The following GRAMD2B variants were observed in gnomAD, a reference collection of about 807,000 sequenced individuals.
The protein encoded by GRAMD2B is GRAM domain containing 2B.
In GRAMD2B, 41 loss-of-function variants were observed where a neutral mutation model predicts 59.2. That is an observed-to-expected ratio of 0.69 (90% CI 0.54 to 0.90). The LOEUF (loss-of-function observed/expected upper bound fraction) is 0.90. Among genes scored for constraint, GRAMD2B ranks in the 40% least tolerant of loss-of-function variants. The pLI is 0.00. For missense variants in GRAMD2B, 424 were observed against 500.5 expected, an observed-to-expected ratio of 0.85 and a Z score of 1.46; for synonymous variants, 161 against 182.7, an observed-to-expected ratio of 0.88 and a Z score of 0.96.
rs775575299 is a variant in GRAMD2B at position 126,480,690 on chromosome 5, C to T, written c.718C>T (p.Pro240Ser). The change falls in exon 8 of 14, where the codon CCT (proline) becomes TCT (serine). Residue 240 changes from proline (P) to serine (S), a missense_variant. Physicochemically the swap from Pro to Ser is moderately conservative, Grantham distance 74. Coordinates refer to ENST00000285689, the MANE Select transcript of GRAMD2B (RefSeq NM_023927.4). ...SAENSFRADR[P>S]SSLPLDFNDE... ...TGAAAACAGTTTCCGAGCAGACCGC[C>T]CTTCATCTCTGCCTCTGGTAAGTTG... The T allele has an allele frequency of 6.2e-7, 1 of 1,614,000 alleles. No homozygotes were observed. The highest frequency in any genetic ancestry group is 2.2e-5 in the East Asian group (1 of 44,880).
At chr5:126,380,195 T>G (rs1381315064) in intron 1 of GRAMD2B, among the ~76,000 whole-genome samples, 1 of 152,200 alleles carries the variant, frequency 6.6e-6, no homozygotes, top group Non-Finnish European at 1.5e-5. Context: ...TTTGTTTGCC[T>G]TGTCAAAGAT....
rs183737645 is a variant in GRAMD2B at position 126,437,923 on chromosome 5, A to G, written c.83+14234A>G. 8.5e-5 allele frequency among the ~76,000 whole-genome samples: 13 copies of G among 152,268 alleles called. No individual in the cohort carries two copies. The East Asian group carries it at 2.5e-3, about 29-fold the overall frequency. On this transcript the variant is annotated intron_variant, in intron 1 of 13. Transcript: ENST00000285689. ...CATAGCCTGTGTAGACTTTACTGCC[A>G]TTTCACATAATCCCTCACTGTCAGT...
chr5:126,403,515 C>T (rs1156549444), intron 1 of GRAMD2B, among the ~76,000 whole-genome samples: 2 of 151,690 alleles, frequency 1.3e-5, no homozygotes, highest in Non-Finnish European at 2.9e-5. Flanking sequence ...ATTGAGCACT[C>T]GTAATAGGTA....
At chr5:126,370,402 G>A (rs1025359090), upstream of GRAMD2B, among the ~76,000 whole-genome samples, 2 of 152,150 alleles carry the variant, frequency 1.3e-5, no homozygotes, top group African/African-American at 4.8e-5. Context: ...CTTCTCTTAA[G>A]CCAGCCATTC....
intron 1 of GRAMD2B, among the ~76,000 whole-genome samples, chr5:126,383,208 T>C (rs907488535): frequency 3.3e-5 from 5 of 152,242 alleles, no homozygotes; most frequent in African/African-American, 1.2e-4. Context: ...TTAAAAGCTT[T>C]TGATTTTTGA....
chr5:126,458,237 C>A (rs1053850699), intron 1 of GRAMD2B, among the ~76,000 whole-genome samples: 13 of 152,018 alleles, frequency 8.6e-5, no homozygotes, highest in Non-Finnish European at 1.3e-4. Flanking sequence ...GAGTTCAAGA[C>A]CAGCCTGGCC....
intron 1 of GRAMD2B, among the ~76,000 whole-genome samples, chr5:126,460,850 A>G (rs1767219717): frequency 6.6e-6 from 1 of 152,218 alleles, no homozygotes; most frequent in African/African-American, 2.4e-5. Flanking sequence ...CATTTATTCT[A>G]TGAAGACCCT....
At chr5:126,409,742 T>A (rs927414512) in intron 1 of GRAMD2B, among the ~76,000 whole-genome samples, 5 of 152,206 alleles carry the variant, frequency 3.3e-5, no homozygotes, top group African/African-American at 9.6e-5. Flanking sequence ...CTTTTGGTGT[T>A]TTAGACATGA....
At chr5:126,379,530 A>G (rs1258426633) in intron 1 of GRAMD2B, among the ~76,000 whole-genome samples, 4 of 152,114 alleles carry the variant, frequency 2.6e-5, no homozygotes, top group African/African-American at 9.7e-5. Context: ...CAACAGTGTA[A>G]AAGTGTTCCC....
At chr5:126,421,521 C>T (rs1045810395), upstream of GRAMD2B, among the ~76,000 whole-genome samples, 2 of 152,266 alleles carry the variant, frequency 1.3e-5, no homozygotes, top group Admixed American at 1.3e-4. Flanking sequence ...TTTTCCCCAT[C>T]CCACCTAGCA....
upstream of GRAMD2B, chr5:126,423,185 G>A (rs924234120): frequency 1.7e-5 from 17 of 1,007,082 alleles, no homozygotes; most frequent in Non-Finnish European, 2.0e-5. Context: ...CCCTGTTACA[G>A]TCGGGATAGA....
chr5:126,371,366 A>T, exon 1 of GRAMD2B: 1 of 1,213,978 alleles, frequency 8.2e-7, no homozygotes, highest in Non-Finnish European at 1.1e-6. Context: ...TGAAACGCAG[A>T]GATTTTCATA....
At chr5:126,411,841 G>GGTGTGTGTGT (rs147604532) in intron 1 of GRAMD2B, among the ~76,000 whole-genome samples, 41,573 of 148,476 alleles carry the variant, frequency 0.28, 6,082 homozygotes, top group East Asian at 0.46. Context: ...ATATATTTCT[G>GGTGTGTGTGT]GTGTGTGTGT....
chr5:126,425,935 C>T (rs187821862), intron 1 of GRAMD2B, among the ~76,000 whole-genome samples: 1 of 152,048 alleles, frequency 6.6e-6, no homozygotes, highest in Admixed American at 6.6e-5. Context: ...GTTTTGAGTT[C>T]TATTGCACAG....
intron 1 of GRAMD2B, among the ~76,000 whole-genome samples, chr5:126,374,839 T>C (rs1755048931): frequency 5.9e-5 from 9 of 152,212 alleles, no homozygotes; most frequent in Admixed American, 5.9e-4. Context: ...TTAATTACCA[T>C]CACTTTATAA....
chr5:126,415,799 T>TTGTC (rs1759218622), intron 1 of GRAMD2B, among the ~76,000 whole-genome samples: 1 of 152,084 alleles, frequency 6.6e-6, no homozygotes, highest in South Asian at 2.1e-4. Flanking sequence ...CGAAATGCTG[T>TTGTC]AATAATAGAA....
rs376723968 is a variant in GRAMD2B at position 126,428,602 on chromosome 5, C to T, written c.83+4913C>T. On this transcript the variant is annotated intron_variant, in intron 1 of 13. Coordinates refer to ENST00000285689, the MANE Select transcript of GRAMD2B (RefSeq NM_023927.4). ...AAACTAGTATTTGAATTCTGGCTTT[C>T]CTGTCTCCTACAGGTGTGACCTGGC... is the stretch of plus-strand genomic sequence containing the variant. 1.2e-3 allele frequency among the ~76,000 whole-genome samples: 187 copies of T among 152,274 alleles called. 1 individual carries two copies. Among genetic ancestry groups the T allele is most frequent in the African/African-American group, 4.1e-3 (171 of 41,564 alleles).
intron 1 of GRAMD2B, among the ~76,000 whole-genome samples, chr5:126,401,506 AT>A (rs902832636): frequency 2.0e-5 from 3 of 151,494 alleles, no homozygotes; most frequent in Non-Finnish European, 4.4e-5. Flanking sequence ...TGTTTCCTTG[AT>A]TTTTTTTCAT....
chr5:126,384,508 G>T (rs967761164), intron 1 of GRAMD2B, among the ~76,000 whole-genome samples: 3 of 152,224 alleles, frequency 2.0e-5, no homozygotes, highest in Admixed American at 6.5e-5. Flanking sequence ...CCCCATAAGG[G>T]CAGGGTAATA....
Sources: gnomAD v4.1 joint callset for allele counts (sites outside exome capture counted in the v4.1 genomes callset) on GRCh38, gnomAD v4.1.1 for gene constraint, MANE v1.5 for transcripts, NCBI Gene and HGNC (gene_info 2026-07-23, HGNC 2026-07-21) for gene names.